KCNIP4: variants seen among roughly 807,000 people sequenced by gnomAD.
KCNIP4 encodes potassium voltage-gated channel interacting protein 4, also known as Kv channel-interacting protein 4.
KCNIP4 carries 12 observed loss-of-function variants against 34.0 expected under a neutral mutation model. The observed-to-expected ratio is 0.35, with a 90% confidence interval of 0.23 to 0.57. KCNIP4 has a LOEUF of 0.57. Ranked by LOEUF, KCNIP4 falls within the 20% of genes least tolerant of loss-of-function variation. The pLI is 0.83. For synonymous variants in KCNIP4, 124 were observed against 102.2 expected (o/e 1.21, Z -1.29); for missense variants, 238 against 311.7 (o/e 0.76, Z 1.78).
At chr4:21,743,045 T>C (rs777122580) in intron 1 of KCNIP4, among the ~76,000 whole-genome samples, 16 of 152,190 alleles carry the variant, frequency 1.1e-4, no homozygotes, top group Non-Finnish European at 1.9e-4. Flanking sequence ...CGTGGATCTG[T>C]AGAGATATAA....
At chr4:21,896,856 G>T (rs1533279) in intron 1 of KCNIP4, among the ~76,000 whole-genome samples, 114,537 of 151,444 alleles carry the variant, frequency 0.76, 43,712 homozygotes, top group East Asian at 0.88. Flanking sequence ...GAGATGGAGG[G>T]TGCAGCGAGC....
At chr4:21,378,221 T>C (rs528963976) in intron 1 of KCNIP4, among the ~76,000 whole-genome samples, 1 of 152,202 alleles carries the variant, frequency 6.6e-6, no homozygotes. Flanking sequence ...TCAGCTTATA[T>C]TTGCTTTTGA....
At chr4:21,166,938 CAAAAAAA>C (rs55649635) in intron 1 of KCNIP4, among the ~76,000 whole-genome samples, 1 of 37,544 alleles carries the variant, frequency 2.7e-5, no homozygotes. Context: ...CACTCCATCT[CAAAAAAA>C]AAAAAAAAAA....
At chr4:21,869,148 C>T (rs1201429671) in intron 1 of KCNIP4, among the ~76,000 whole-genome samples, 1 of 152,084 alleles carries the variant, frequency 6.6e-6, no homozygotes, top group East Asian at 1.9e-4. Flanking sequence ...TGCACTGCTG[C>T]TATTATTTTT....
At chr4:21,848,372 T>A (rs190415441) in intron 1 of KCNIP4, 1 of 152,118 alleles carries the variant, frequency 6.6e-6, no homozygotes, top group Non-Finnish European at 1.5e-5. Context: ...TCTGGCTCCG[T>A]CGCTCACCCA....
intron 1 of KCNIP4, among the ~76,000 whole-genome samples, chr4:21,225,190 C>T (rs1230325315): frequency 6.6e-6 from 1 of 152,078 alleles, no homozygotes; most frequent in African/African-American, 2.4e-5. Context: ...TTAACACCTC[C>T]AGAGGTTACT....
At chr4:21,338,380 A>G (rs981513316) in intron 1 of KCNIP4, among the ~76,000 whole-genome samples, 8 of 151,590 alleles carry the variant, frequency 5.3e-5, no homozygotes, top group African/African-American at 1.9e-4. Flanking sequence ...CTGGAAAACC[A>G]TTTTTTTTAA....
chr4:21,927,294 T>C (rs1289662327), intron 1 of KCNIP4, among the ~76,000 whole-genome samples: 2 of 152,154 alleles, frequency 1.3e-5, no homozygotes, highest in South Asian at 2.1e-4. Context: ...CAGGGTCCCT[T>C]TAGCCATTTG....
intron 1 of KCNIP4, among the ~76,000 whole-genome samples, chr4:21,119,603 TA>T (rs1353701327): frequency 6.6e-6 from 1 of 151,892 alleles, no homozygotes. Context: ...GCTGAGTTTT[TA>T]AACAAACAAA....
At chr4:21,233,083 G>A (rs930253890) in intron 1 of KCNIP4, among the ~76,000 whole-genome samples, 13 of 152,250 alleles carry the variant, frequency 8.5e-5, no homozygotes, top group African/African-American at 1.7e-4. Flanking sequence ...GCAGGAAAAC[G>A]GGTCACTTGC....
intron 1 of KCNIP4, among the ~76,000 whole-genome samples, chr4:21,519,663 T>TACACGTGTGTATGTATGTGTATATAC (rs1735272009): frequency 8.4e-6 from 1 of 118,428 alleles, no homozygotes; most frequent in Admixed American, 9.0e-5. Context: ...TGTGTATATA[T>TACACGTGTGTATGTATGTGTATATAC]ACACGTGTGT....
chr4:20,942,197 C>G (rs1242660540), intron 1 of KCNIP4, among the ~76,000 whole-genome samples: 2 of 152,268 alleles, frequency 1.3e-5, no homozygotes, highest in African/African-American at 4.8e-5. Flanking sequence ...CTGGCCACTG[C>G]TGCAATGAGT....
At chr4:21,573,206 G>A (rs1740488448) in intron 1 of KCNIP4, among the ~76,000 whole-genome samples, 1 of 152,108 alleles carries the variant, frequency 6.6e-6, no homozygotes, top group Non-Finnish European at 1.5e-5. Context: ...CTTGACCTTA[G>A]TGAGTATCTC....
chr4:20,864,944 G>A (rs1447187431), intron 2 of KCNIP4, among the ~76,000 whole-genome samples: 1 of 151,902 alleles, frequency 6.6e-6, no homozygotes, highest in Admixed American at 6.6e-5. Flanking sequence ...GTAAGCTTCC[G>A]ATTCCACATC....
intron 1 of KCNIP4, among the ~76,000 whole-genome samples, chr4:21,246,753 T>G (rs919452987): frequency 6.6e-6 from 1 of 152,088 alleles, no homozygotes; most frequent in Non-Finnish European, 1.5e-5. Context: ...AGGGTTTGAT[T>G]GTAAAAGTTG....
At chr4:20,844,026 G>C (rs1578755910) in intron 3 of KCNIP4, among the ~76,000 whole-genome samples, 1 of 152,246 alleles carries the variant, frequency 6.6e-6, no homozygotes, top group East Asian at 1.9e-4. Flanking sequence ...GATATCTTTT[G>C]ACAGCACTCT....
At chr4:21,316,458 C>A (rs1040803364) in intron 1 of KCNIP4, 1 of 152,126 alleles carries the variant, frequency 6.6e-6, no homozygotes, top group African/African-American at 2.4e-5. Context: ...TAGAATTCAA[C>A]CATTAAAGAT....
At chr4:21,931,337 A>G (rs1163091005) in intron 1 of KCNIP4, among the ~76,000 whole-genome samples, 2 of 151,358 alleles carry the variant, frequency 1.3e-5, no homozygotes, top group Non-Finnish European at 2.9e-5. Flanking sequence ...TTACATATGT[A>G]TACATGTGCC....
intron 1 of KCNIP4, among the ~76,000 whole-genome samples, chr4:21,736,550 C>T (rs1716002537): frequency 6.6e-6 from 1 of 152,174 alleles, no homozygotes; most frequent in Non-Finnish European, 1.5e-5. Context: ...CAACAGAATG[C>T]CCACATTTTG....
Sources: gnomAD v4.1 joint callset for allele counts (sites outside exome capture counted in the v4.1 genomes callset) on GRCh38, gnomAD v4.1.1 for gene constraint, MANE v1.5 for transcripts, NCBI Gene and HGNC (gene_info 2026-07-23, HGNC 2026-07-21) for gene names.